The following LBH variants were observed in gnomAD, a reference collection of about 807,000 sequenced individuals.
LBH encodes the protein LBH regulator of Wnt signaling pathway, also known as protein LBH.
In LBH, 7 loss-of-function variants were observed where a neutral mutation model predicts 12.5. The ratio of observed to expected loss-of-function variants is 0.56; its 90% CI spans 0.32 to 1.05. The LOEUF (loss-of-function observed/expected upper bound fraction) is 1.05, where lower values mean the gene tolerates loss of function less well. Among genes scored for constraint, LBH ranks in the 50% least tolerant of loss-of-function variants. The pLI, the probability that LBH is intolerant of heterozygous loss-of-function variation, is 0.04. For missense variants in LBH, 119 were observed against 138.9 expected, an observed-to-expected ratio of 0.86 and a Z score of 0.72; for synonymous variants, 51 against 50.1, an observed-to-expected ratio of 1.02 and a Z score of -0.08.
chr2:30,232,292 A>G (rs995044414), intron 1 of LBH: 10 of 1,467,746 alleles, frequency 6.8e-6, no homozygotes, highest in South Asian at 2.5e-5. Context: ...AGCCACAAGC[A>G]GCAGGGCACG....
At chr2:30,255,649 G>A (rs749447244) in intron 2 of LBH, among the ~76,000 whole-genome samples, 2 of 152,234 alleles carry the variant, frequency 1.3e-5, no homozygotes, top group African/African-American at 4.8e-5. Flanking sequence ...GTGATGTGGT[G>A]AGAGTGTGAC....
Position 30,259,776 on chromosome 2 carries a change from C to T in LBH, c.*2155C>T, listed in dbSNP as rs1349241643. On this transcript the variant is annotated 3_prime_UTR_variant, in exon 3 of 3. Coordinates refer to ENST00000395323, the MANE Select transcript of LBH (RefSeq NM_030915.4). ...GGTGGAGCCTGCTGGGGGGACCCAGCTGCTCTTGGACAAGTGGCTGAGCTC... is the reference window on the plus strand; with the variant it reads ...GGTGGAGCCTGCTGGGGGGACCCAGTTGCTCTTGGACAAGTGGCTGAGCTC... 6.6e-6 allele frequency: 1 copy of T among 152,016 alleles called. No individual in the cohort carries two copies. The allele number at this position is 152,016 out of a possible 1,614,324, so 9.4% of individuals were successfully genotyped here.
intron 2 of LBH, among the ~76,000 whole-genome samples, chr2:30,244,820 C>T (rs549463715): frequency 6.6e-6 from 1 of 152,072 alleles, no homozygotes; most frequent in Non-Finnish European, 1.5e-5. Context: ...GTGGGAGGAT[C>T]GCTTGAGCCC....
chr2:30,236,424 A>G (rs1336714541), intron 2 of LBH, among the ~76,000 whole-genome samples: 4 of 152,184 alleles, frequency 2.6e-5, no homozygotes, highest in African/African-American at 9.7e-5. Context: ...GTGGTGCTGG[A>G]CTGAGGGCCC....
intron 2 of LBH, among the ~76,000 whole-genome samples, chr2:30,239,183 C>T (rs138679173): frequency 2.0e-5 from 3 of 152,290 alleles, no homozygotes; most frequent in Non-Finnish European, 4.4e-5. Context: ...GGCGGTAGCT[C>T]GGAAACCCCT....
intron 1 of LBH, chr2:30,232,247 G>GGCC: frequency 2.5e-6 from 1 of 395,048 alleles, no homozygotes; most frequent in Non-Finnish European, 4.8e-6. Flanking sequence ...GGGGTGGGGG[G>GGCC]CGGGAAACGC....
At chr2:30,247,065 C>A (rs1461174481) in intron 2 of LBH, among the ~76,000 whole-genome samples, 1 of 152,006 alleles carries the variant, frequency 6.6e-6, no homozygotes, top group Non-Finnish European at 1.5e-5. Flanking sequence ...CAGCAGTCCT[C>A]CCACCTCAGC....
chr2:30,244,375 G>A (rs1322614852), intron 2 of LBH, among the ~76,000 whole-genome samples: 4 of 152,166 alleles, frequency 2.6e-5, no homozygotes, highest in Non-Finnish European at 4.4e-5. Flanking sequence ...ATGTTAAAAT[G>A]GGAGGACAGC....
In LBH at chr2:30,231,635, A is replaced by T; in HGVS notation, c.-104A>T. On this transcript the variant is annotated 5_prime_UTR_variant, in exon 1 of 3. Transcript: ENST00000395323. ...CGGACGGCGAGCGCCCGGTGTCCGC[A>T]CTCGGCCGCCTGCCGTGCCCGTCTG... 1 of 1,188,006 alleles carries T rather than the reference A, an allele frequency of 8.4e-7. No individual in the cohort carries two copies. The highest frequency in any genetic ancestry group is 1.2e-6 in the Non-Finnish European group (1 of 810,042). 73.6% of individuals were successfully genotyped at this position (1,188,006 alleles called of 1,614,324 possible).
chr2:30,257,808 T>C lies in LBH; in HGVS notation c.*187T>C. The stretch of plus-strand genomic sequence containing the variant: ...TTCTTGCCTTTTTTTTTTTTTGAAA[T>C]TTGCCGAGCAGTGGAGCCCTCTGAC... On this transcript the variant is annotated 3_prime_UTR_variant, in exon 3 of 3. Coordinates refer to ENST00000395323, the MANE Select transcript of LBH (RefSeq NM_030915.4). 2.0e-6 allele frequency: 1 copy of C among 501,428 alleles called. No homozygotes were observed. The highest frequency in any genetic ancestry group is 3.5e-6 in the Non-Finnish European group (1 of 289,806). The allele number at this position is 501,428 out of a possible 1,614,324, so 31.1% of individuals were successfully genotyped here. A position where few individuals can be genotyped will look rare whatever the true frequency, so the allele number is the denominator to read the frequency against.
rs367862865 is a variant in LBH at position 30,244,610 on chromosome 2, A to C, written c.129+10103A>C. Among the ~76,000 whole-genome samples the C allele has an allele frequency of 1.2e-4, 19 of 152,080 alleles. No individual in the cohort carries two copies. The South Asian group carries it at 3.7e-3, about 30-fold the overall frequency. ...ATTCAACTCACTATTGCAGTAAGAA[A>C]CCTTCATTAAGGCTGGACGCGTGGC... On this transcript the variant is annotated intron_variant, in intron 2 of 2. Coordinates refer to ENST00000395323, the MANE Select transcript of LBH (RefSeq NM_030915.4).
chr2:30,232,193 G>C (rs1677600687), intron 1 of LBH: 5 of 1,437,540 alleles, frequency 3.5e-6, no homozygotes, highest in Non-Finnish European at 4.6e-6. Flanking sequence ...GCCGGCAGCA[G>C]CGGGGCTGAG....
At chr2:30,232,044 C>T (rs982177651) in intron 1 of LBH, 99 of 1,386,806 alleles carry the variant, frequency 7.1e-5, no homozygotes, top group East Asian at 2.1e-4. Context: ...CCAGGGGTCA[C>T]GTGTGAATCC....
chr2:30,246,661 G>C (rs568719556), intron 2 of LBH, among the ~76,000 whole-genome samples: 1 of 152,216 alleles, frequency 6.6e-6, no homozygotes, highest in Admixed American at 6.5e-5. Context: ...GTTGGTTGTT[G>C]GTTGAAGTCA....
intron 2 of LBH, among the ~76,000 whole-genome samples, chr2:30,253,217 C>T (rs1366605296): frequency 6.6e-6 from 1 of 152,186 alleles, no homozygotes; most frequent in East Asian, 1.9e-4. Context: ...GATTAAAAAG[C>T]ATGACTTAGT....
intron 2 of LBH, among the ~76,000 whole-genome samples, chr2:30,236,423 G>A (rs189327692): frequency 6.6e-6 from 1 of 152,340 alleles, no homozygotes; most frequent in Admixed American, 6.5e-5. Flanking sequence ...TGTGGTGCTG[G>A]ACTGAGGGCC....
chr2:30,232,500 T>G (rs1677609785), intron 1 of LBH: 1 of 314,962 alleles, frequency 3.2e-6, no homozygotes, highest in South Asian at 7.8e-5. Flanking sequence ...CCCTGACTGC[T>G]GGGACTTCCT....
chr2:30,256,001 T>A (rs1333428644), intron 2 of LBH, among the ~76,000 whole-genome samples: 1 of 152,120 alleles, frequency 6.6e-6, no homozygotes, highest in African/African-American at 2.4e-5. Flanking sequence ...GAGATGGCCA[T>A]GAAGGTGCCA....
chr2:30,253,706 C>T (rs1184842382), intron 2 of LBH, among the ~76,000 whole-genome samples: 2 of 152,064 alleles, frequency 1.3e-5, no homozygotes, highest in East Asian at 1.9e-4. Context: ...AGATTGGATG[C>T]TTACTGTAGT....
Sources: gnomAD v4.1 joint callset for allele counts (sites outside exome capture counted in the v4.1 genomes callset) on GRCh38, gnomAD v4.1.1 for gene constraint, MANE v1.5 for transcripts, NCBI Gene and HGNC (gene_info 2026-07-23, HGNC 2026-07-21) for gene names.